The following OGA variants were observed in gnomAD, a reference collection of about 807,000 sequenced individuals.
OGA encodes the protein protein O-GlcNAcase.
A neutral mutation model predicts 102.0 loss-of-function variants in OGA; 21 were observed. That is an observed-to-expected ratio of 0.21 (90% confidence interval 0.15 to 0.30). OGA has a LOEUF of 0.30. Among genes scored for constraint, OGA ranks in the 10% least tolerant of loss-of-function variants. The pLI is 1.00. For missense variants in OGA, 765 were observed against 1,107.8 expected, an observed-to-expected ratio of 0.69 and a Z score of 4.39; for synonymous variants, 408 against 378.2, an observed-to-expected ratio of 1.08 and a Z score of -0.91.
intron 11 of OGA, among the ~76,000 whole-genome samples, chr10:101,793,151 A>C (rs2065278040): frequency 6.6e-6 from 1 of 152,228 alleles, no homozygotes; most frequent in Admixed American, 6.5e-5. Context: ...TCTGAGTTAC[A>C]GCTTTAGTGG....
At chr10:101,789,029 C>T (rs1026253664) in intron 14 of OGA, among the ~76,000 whole-genome samples, 1 of 152,154 alleles carries the variant, frequency 6.6e-6, no homozygotes, top group Admixed American at 6.5e-5. Context: ...TATTTTACCA[C>T]AATTTTTAAA....
At chr10:101,803,634 A>G (rs2065427889) in intron 7 of OGA, 101 bp downstream of exon 7, 2 of 1,226,856 alleles carry the variant, frequency 1.6e-6, no homozygotes, top group Admixed American at 5.0e-5. Flanking sequence ...AAATAAATAA[A>G]ACTGTTTAAG....
Position 101,791,380 on chromosome 10 carries a change from T to G in OGA, c.2235A>C (p.Gln745His). 6.2e-7 allele frequency: 1 copy of G among 1,613,982 alleles called. No individual in the cohort carries two copies. Among genetic ancestry groups the G allele is most frequent in the Non-Finnish European group, 8.5e-7 (1 of 1,179,876 alleles). Residue 745 changes from glutamine (Q) to histidine (H), a missense_variant, in exon 13 of 16, where the codon CAA becomes CAC. Coordinates refer to ENST00000361464, the MANE Select transcript of OGA (RefSeq NM_012215.5). Reference protein sequence around the residue: ...MYDDGVGLPFQSQPDLIGDKL... With the variant: ...MYDDGVGLPFHSQPDLIGDKL... ...TGTCTCCAATAAGATCAGGCTGACT[T>G]TGAAAGGGTAAACCCACTCCATCGT...
Position 101,810,237 on chromosome 10 carries a change from T to C in OGA, c.427A>G (p.Ile143Val), listed in dbSNP as rs776108763. 3.1e-6 allele frequency: 5 copies of C among 1,612,410 alleles called. No homozygotes were observed. The Admixed American group carries it at 6.7e-5, about 21-fold the overall frequency. Residue 143 changes from isoleucine (I) to valine (V), a missense_variant, in exon 4 of 16, where the codon ATC becomes GTC. Ile to Val is a conservative substitution (Grantham distance 29). Transcript: ENST00000361464. ...ACTTCCTTGGGGTTAGAAAAAGTGA[T>C]ATCCAATCCAGGTGAGATCGCATAG... ...FIYAISPGLDITFSNPKEVST... is the reference protein window; with the variant it reads ...FIYAISPGLDVTFSNPKEVST...
rs1333192222 is a variant in OGA, at chr10:101,785,555, C to G, written c.*896G>C. On this transcript the variant is annotated 3_prime_UTR_variant, in exon 16 of 16. Transcript: ENST00000361464. ...GTCCTACAAAATTAGGCTCTCGTAC[C>G]CCAAATGGTCATGGCCTACGCCTAG... The G allele has an allele frequency of 4.6e-5, 7 of 152,552 alleles. No homozygotes were observed. Among genetic ancestry groups the G allele is most frequent in the Admixed American group, 2.6e-4 (4 of 15,286 alleles). 9.4% of individuals were successfully genotyped at this position (152,552 alleles called of 1,614,324 possible).
In OGA at chr10:101,815,474, C is replaced by T. The variant is rs145580047; in HGVS notation, c.200-1868G>A. Among the ~76,000 whole-genome samples, 1,420 of 151,958 alleles carry T rather than the reference C, an allele frequency of 9.3e-3. 19 individuals are homozygous for T. Among genetic ancestry groups the T allele is most frequent in the African/African-American group, 0.033 (1,348 of 41,418 alleles). On this transcript the variant is annotated intron_variant, in intron 1 of 15. Transcript: ENST00000361464. ...TAATTTTTTCTATTTTTAGTAGAGA[C>T]AGGGTTTCGCCATGTTGGCCAGGCT...
intron 6 of OGA, among the ~76,000 whole-genome samples, chr10:101,805,693 C>T (rs1255011849): frequency 2.0e-5 from 3 of 148,752 alleles, no homozygotes; most frequent in Non-Finnish European, 3.0e-5. Context: ...TGGTGGCTCA[C>T]GCCTGTAATC....
intron 15 of OGA, among the ~76,000 whole-genome samples, 176 bp from the exon 16 acceptor site, chr10:101,786,763 G>A (rs370933818): frequency 2.6e-5 from 4 of 152,130 alleles, no homozygotes; most frequent in Admixed American, 6.5e-5. Context: ...AATGAGTGGC[G>A]TGAGCCACTG....
intron 6 of OGA, among the ~76,000 whole-genome samples, chr10:101,805,827 T>C (rs970667953): frequency 1.3e-4 from 20 of 151,694 alleles, no homozygotes; most frequent in African/African-American, 4.6e-4. Flanking sequence ...TGGTGGCGGG[T>C]GCCTGTAGTC....
intron 7 of OGA, among the ~76,000 whole-genome samples, chr10:101,802,059 C>T (rs1004709268): frequency 2.2e-4 from 33 of 152,170 alleles, no homozygotes; most frequent in African/African-American, 7.5e-4. Flanking sequence ...GCCAGAGACT[C>T]GCTTGAACCA....
Position 101,810,320 on chromosome 10 carries a change from G to A in OGA, c.350-6C>T. The A allele has an allele frequency of 6.2e-7, 1 of 1,603,364 alleles. No homozygotes were observed. The highest frequency in any genetic ancestry group is 1.3e-5 in the African/African-American group (1 of 74,436). On this transcript the variant is annotated splice_polypyrimidine_tract_variant and splice_region_variant and intron_variant, in intron 3 of 15. Coordinates refer to ENST00000361464, the MANE Select transcript of OGA (RefSeq NM_012215.5). Reference sequence around the variant, plus strand: ...GATGAGAGTCATAAGTTGCTCTAAAGAACAGAGTCTATGTTTTTAGAAAGC... The same window carrying A: ...GATGAGAGTCATAAGTTGCTCTAAAAAACAGAGTCTATGTTTTTAGAAAGC...
intron 3 of OGA, among the ~76,000 whole-genome samples, chr10:101,812,038 T>C (rs1165708692): frequency 6.6e-6 from 1 of 152,212 alleles, no homozygotes; most frequent in Non-Finnish European, 1.5e-5. Flanking sequence ...ATTGCTTCTT[T>C]GTAATTCAAG....
At chr10:101,810,452 C>T (rs2065539187) in intron 3 of OGA, 138 bp from the exon 4 acceptor site, 1 of 744,988 alleles carries the variant, frequency 1.3e-6, no homozygotes, top group Non-Finnish European at 2.1e-6. Flanking sequence ...TTGTCATGTC[C>T]AACTTAACAA....
At chr10:101,803,694 G>A (rs768248519) in intron 7 of OGA, 41 bp downstream of exon 7, 2 of 1,560,486 alleles carry the variant, frequency 1.3e-6, no homozygotes, top group African/African-American at 1.4e-5. Flanking sequence ...GTTAACCCCA[G>A]CTCTCCTCCC....
chr10:101,797,758 T>G lies in OGA; in HGVS notation c.1984+222A>C, dbSNP rs1331263886. 1.2e-5 allele frequency: 7 copies of G among 598,680 alleles called. No homozygotes were observed. In the East Asian group the frequency reaches 1.9e-4, roughly 17 times the overall value. 37.1% of individuals were successfully genotyped at this position (598,680 alleles called of 1,614,324 possible). A position where few individuals can be genotyped will look rare whatever the true frequency, so the allele number is the denominator to read the frequency against. The stretch of plus-strand genomic sequence containing the variant: ...CTTTCTAACATACTTTTAAGATACT[T>G]ATGCTGAATTAGCCCAAGGGAGAAA... On this transcript the variant is annotated intron_variant, in intron 10 of 15. Coordinates refer to ENST00000361464, the MANE Select transcript of OGA (RefSeq NM_012215.5).
Position 101,786,338 on chromosome 10 carries a change from A to G in OGA, c.*113T>C. On this transcript the variant is annotated 3_prime_UTR_variant, in exon 16 of 16. Transcript: ENST00000361464. ...TTTTACATAGTCTTCTTTGTTTCGA[A>G]TCCAATTGGCTGATTTGTTACCATT... 1 of 1,125,802 alleles carries G rather than the reference A, an allele frequency of 8.9e-7. No homozygotes were observed. Among genetic ancestry groups the G allele is most frequent in the Non-Finnish European group, 1.2e-6 (1 of 834,028 alleles). The allele number at this position is 1,125,802 out of a possible 1,614,324, so 69.7% of individuals were successfully genotyped here. A position where few individuals can be genotyped will look rare whatever the true frequency, so the allele number is the denominator to read the frequency against.
chr10:101,814,285 G>A (rs1371421197), intron 1 of OGA, among the ~76,000 whole-genome samples: 2 of 151,312 alleles, frequency 1.3e-5, no homozygotes, highest in Non-Finnish European at 2.9e-5. Context: ...CCGAGACTGC[G>A]TCACTGCACT....
Position 101,800,403 on chromosome 10 carries a change from G to A in OGA, c.1037-3C>T, listed in dbSNP as rs139911468. 12,944 of 1,596,514 alleles carry A rather than the reference G, an allele frequency of 8.1e-3. 61 individuals are homozygous for A. The highest frequency in any genetic ancestry group is 9.3e-3 in the Non-Finnish European group (10,898 of 1,172,956). On this transcript the variant is annotated splice_polypyrimidine_tract_variant and splice_region_variant and intron_variant, in intron 7 of 15. Transcript: ENST00000361464. ...CACAGTACTATCTTCACTGTCAGCT[G>A]CAAAAAATAAAATAAAAAAGCACAA...
At chr10:101,807,486 CAATGT>C (rs2065491625) in intron 5 of OGA, among the ~76,000 whole-genome samples, 2 of 152,148 alleles carry the variant, frequency 1.3e-5, no homozygotes, top group South Asian at 4.2e-4. Context: ...TTAATATTGA[CAATGT>C]AATGTTCATA....
Sources: allele counts gnomAD v4.1 joint callset (sites outside exome capture counted in the v4.1 genomes callset), GRCh38; gene constraint gnomAD v4.1.1; transcripts MANE v1.5; gene names NCBI Gene and HGNC (gene_info 2026-07-23, HGNC 2026-07-21).